The following CACNA1S variants were observed in gnomAD, a reference collection of about 807,000 sequenced individuals.
CACNA1S encodes the protein calcium voltage-gated channel subunit alpha1 S, also known as voltage-dependent L-type calcium channel subunit alpha-1S.
In CACNA1S, 126 loss-of-function variants were observed where a neutral mutation model predicts 207.4. The ratio of observed to expected loss-of-function variants is 0.61; its 90% CI spans 0.53 to 0.70. CACNA1S has a LOEUF of 0.70. Among genes scored for constraint, CACNA1S ranks in the 30% least tolerant of loss-of-function variants. The pLI is 0.00. For synonymous variants in CACNA1S, 960 were observed against 932.7 expected (o/e 1.03, Z -0.53); for missense variants, 2,349 against 2,422.8 (o/e 0.97, Z 0.64).
intron 28 of CACNA1S, among the ~76,000 whole-genome samples, chr1:201,056,883 G>A (rs762429471): frequency 3.3e-5 from 5 of 152,066 alleles, no homozygotes; most frequent in Non-Finnish European, 7.4e-5. Flanking sequence ...CAGATTCTGG[G>A]AGCCTTCCTG....
chr1:201,071,877 T>G (rs769800324), intron 16 of CACNA1S, among the ~76,000 whole-genome samples: 1 of 152,258 alleles, frequency 6.6e-6, no homozygotes, highest in East Asian at 1.9e-4. Context: ...CTTTCATGCA[T>G]TCATTCATTC....
At position 201,047,227 on chromosome 1, in the gene CACNA1S, G is replaced by A; in HGVS notation, c.4556C>T (p.Thr1519Ile). ...GAATGTGGCGTAGAACTTCCCCACT[G>A]TCACCTCATCATCTGCAGAGGAGCC... is the stretch of plus-strand genomic sequence containing the variant. ...VIPPIGDDEV[T>I]VGKFYATFLI... The change falls in exon 38 of 44, where the codon ACA becomes ATA. Residue 1519 changes from threonine to isoleucine, a missense_variant. Thr to Ile is a moderately conservative substitution (Grantham distance 89). Coordinates refer to ENST00000362061, the MANE Select transcript of CACNA1S (RefSeq NM_000069.3). 1.2e-6 allele frequency: 2 copies of A among 1,614,202 alleles called. No homozygotes were observed. The highest frequency in any genetic ancestry group is 2.7e-5 in the African/African-American group (2 of 75,042).
chr1:201,053,302 G>A lies in CACNA1S; in HGVS notation c.3796-28C>T. 1 of 1,613,024 alleles carries A rather than the reference G, an allele frequency of 6.2e-7. No homozygotes were observed. ...GCAGGGCGGGCGGGAGCGCCAGTCA[G>A]TGTCTTAGGGCTCCACTGTGTGTCT... On this transcript the variant is annotated intron_variant, in intron 30 of 43. Coordinates refer to ENST00000362061, the MANE Select transcript of CACNA1S (RefSeq NM_000069.3). This position sits in a 1 kb window ranked among gnomAD's most constrained non-coding sequence, Gnocchi z 5.1.
At chr1:201,083,138 C>T (rs374134731) in intron 10 of CACNA1S, 24 bp downstream of exon 10, 59 of 1,612,876 alleles carry the variant, frequency 3.7e-5, no homozygotes, top group Admixed American at 1.7e-4. Flanking sequence ...GCCCTCCTCC[C>T]GGCTTCACTC....
At position 201,043,754 on chromosome 1, in the gene CACNA1S, T is replaced by C. The variant is rs115490011; in HGVS notation, c.4798-223A>G. Among the ~76,000 whole-genome samples, 232 of 152,128 alleles carry C rather than the reference T, an allele frequency of 1.5e-3. 1 individual carries two copies. The highest frequency in any genetic ancestry group is 5.1e-3 in the African/African-American group (210 of 41,498). ...GACAGCACACACCTAAGGAGGTATA[T>C]AGGGGACACAGGCACACAGAAGAGA... On this transcript the variant is annotated intron_variant, in intron 39 of 43. Coordinates refer to ENST00000362061, the MANE Select transcript of CACNA1S (RefSeq NM_000069.3).
intron 2 of CACNA1S, among the ~76,000 whole-genome samples, chr1:201,109,158 G>A (rs1291755677): frequency 6.6e-6 from 1 of 151,758 alleles, no homozygotes; most frequent in Non-Finnish European, 1.5e-5. Flanking sequence ...TGAGGCAGGA[G>A]CATCACTTGA....
At position 201,077,934 on chromosome 1, in the gene CACNA1S, G is replaced by C. The variant is rs4915476; in HGVS notation, c.1564C>G (p.Leu522Val). The change falls in exon 11 of 44, where the codon CTG becomes GTG. Residue 522 changes from leucine to valine, a missense_variant. Transcript: ENST00000362061. Reference protein sequence around the residue: ...LLVESGAMTPLGISVLRCIRL... With the variant: ...LLVESGAMTPVGISVLRCIRL... Reference sequence around the variant, plus strand: ...ATGCAGCGGAGCACGGAGATGCCCAGGGGTGTCATGGCACCCGACTCCACC... The same window carrying C: ...ATGCAGCGGAGCACGGAGATGCCCACGGGTGTCATGGCACCCGACTCCACC... 6.2e-7 allele frequency: 1 copy of C among 1,613,976 alleles called. No homozygotes were observed. Among genetic ancestry groups the C allele is most frequent in the Non-Finnish European group, 8.5e-7 (1 of 1,179,914 alleles).
At chr1:201,091,589 C>G (rs761293079) in intron 5 of CACNA1S, 51 bp downstream of exon 5, 11 of 1,603,930 alleles carry the variant, frequency 6.9e-6, no homozygotes, top group Non-Finnish European at 9.4e-6. Context: ...GCTCCCCCTT[C>G]TGAGCCATCC....
intron 35 of CACNA1S, 95 bp from the exon 36 acceptor site, chr1:201,048,779 G>T: frequency 9.0e-7 from 1 of 1,105,224 alleles, no homozygotes; most frequent in Non-Finnish European, 1.4e-6. Flanking sequence ...GAGGGGACGG[G>T]ACACGAGGGC....
chr1:201,048,332 T>G (rs1472918609), intron 36 of CACNA1S, among the ~76,000 whole-genome samples: 1 of 152,166 alleles, frequency 6.6e-6, no homozygotes, highest in East Asian at 1.9e-4. Context: ...GCACTGGCCC[T>G]TCTCTGGCCC....
At chr1:201,094,472 A>G (rs1558082617) in intron 2 of CACNA1S, among the ~76,000 whole-genome samples, 1 of 151,852 alleles carries the variant, frequency 6.6e-6, no homozygotes, top group Non-Finnish European at 1.5e-5. Context: ...ACTTCCAGAT[A>G]TTAGAATGGG....
chr1:201,052,697 C>T, intron 31 of CACNA1S, 49 bp from the exon 32 acceptor site: 5 of 1,463,824 alleles, frequency 3.4e-6, no homozygotes, highest in South Asian at 3.4e-5. Context: ...TAAAGTGTCC[C>T]CTCAGCTTAT....
chr1:201,067,080 G>C, intron 19 of CACNA1S, 87 bp from the exon 20 acceptor site: 4 of 853,616 alleles, frequency 4.7e-6, no homozygotes, highest in Middle Eastern at 4.3e-4. Context: ...CCTCTGCTCA[G>C]GAGAGCACTT....
intron 40 of CACNA1S, chr1:201,041,828 C>T (rs1660238316): frequency 3.4e-6 from 2 of 584,588 alleles, no homozygotes; most frequent in Non-Finnish European, 6.1e-6. Context: ...TCCCTCTACC[C>T]TTTCTACATT....
chr1:201,091,218 G>GT (rs1445741206), intron 5 of CACNA1S, among the ~76,000 whole-genome samples: 1 of 152,154 alleles, frequency 6.6e-6, no homozygotes, highest in Non-Finnish European at 1.5e-5. Context: ...GCTCTTGGGT[G>GT]TTTTTTCTGA....
chr1:201,063,859 G>T (rs763949049), intron 22 of CACNA1S, among the ~76,000 whole-genome samples: 5 of 152,230 alleles, frequency 3.3e-5, no homozygotes, highest in Non-Finnish European at 5.9e-5. Flanking sequence ...ACTGGGCAGG[G>T]TCTGGGCACT....
chr1:201,040,763 G>T, intron 41 of CACNA1S, 50 bp from the exon 42 acceptor site: 1 of 1,465,034 alleles, frequency 6.8e-7, no homozygotes. Context: ...CTCCTGCCAG[G>T]AGCCCTGAGT....
intron 13 of CACNA1S, 30 bp from the exon 14 acceptor site, chr1:201,074,650 T>C: frequency 6.9e-7 from 1 of 1,447,818 alleles, no homozygotes; most frequent in Non-Finnish European, 9.7e-7. Context: ...GAGCCTTTGG[T>C]TGTAGGTGGA....
chr1:201,103,473 C>A (rs1662756715), intron 2 of CACNA1S, among the ~76,000 whole-genome samples: 1 of 152,060 alleles, frequency 6.6e-6, no homozygotes, highest in Admixed American at 6.5e-5. Context: ...ATTACAGTGT[C>A]TGCAGCCCCT....
Sources: allele counts gnomAD v4.1 joint callset (sites outside exome capture counted in the v4.1 genomes callset), GRCh38; gene constraint gnomAD v4.1.1; non-coding constraint Gnocchi (gnomAD v3.1); transcripts MANE v1.5; gene names NCBI Gene and HGNC (gene_info 2026-07-23, HGNC 2026-07-21).